Variants in ZNF618 observed in about 807,000 individuals in gnomAD.
ZNF618 encodes the protein neural precursor cell expressed, developmentally down-regulated 10.
Under a neutral mutation model 103.0 loss-of-function variants are expected in ZNF618, and 34 were observed. That is an observed-to-expected ratio of 0.33 (90% CI 0.25 to 0.44). ZNF618 has a LOEUF of 0.44. Among genes scored for constraint, ZNF618 ranks in the 20% least tolerant of loss-of-function variants. The pLI, the probability that ZNF618 is intolerant of heterozygous loss-of-function variation, is 1.00. For synonymous variants in ZNF618, 551 were observed against 542.2 expected, an observed-to-expected ratio of 1.02 and a Z score of -0.23; for missense variants, 1,059 against 1,295.4, an observed-to-expected ratio of 0.82 and a Z score of 2.80.
At chr9:113,960,310 C>T (rs1272877126) in intron 1 of ZNF618, among the ~76,000 whole-genome samples, 1 of 152,226 alleles carries the variant, frequency 6.6e-6, no homozygotes, top group Non-Finnish European at 1.5e-5. Flanking sequence ...CTCGCAATTG[C>T]TTTTGGGGTG....
At chr9:113,932,896 T>G (rs1833725328) in intron 1 of ZNF618, among the ~76,000 whole-genome samples, 1 of 152,156 alleles carries the variant, frequency 6.6e-6, no homozygotes, top group African/African-American at 2.4e-5. Flanking sequence ...GGGCTGAATA[T>G]TAAATTGCTG....
chr9:113,977,523 TG>T (rs1838591398), intron 2 of ZNF618, among the ~76,000 whole-genome samples: 2 of 152,138 alleles, frequency 1.3e-5, no homozygotes, highest in Admixed American at 1.3e-4. Context: ...CTTTGCAGGG[TG>T]GTGGGTCTCT....
chr9:113,966,220 A>G (rs1451212282), intron 1 of ZNF618, among the ~76,000 whole-genome samples: 1 of 152,204 alleles, frequency 6.6e-6, no homozygotes, highest in Non-Finnish European at 1.5e-5. Context: ...AGTCCCGTGA[A>G]GTAGGTCCTG....
intron 13 of ZNF618, among the ~76,000 whole-genome samples, chr9:114,043,698 C>G (rs1429575275): frequency 6.6e-6 from 1 of 152,174 alleles, no homozygotes. Context: ...CCACCACATC[C>G]ATGCCAACAT....
intron 1 of ZNF618, among the ~76,000 whole-genome samples, chr9:113,961,283 C>T (rs1836822781): frequency 6.6e-6 from 1 of 152,180 alleles, no homozygotes. Flanking sequence ...GCCATTAAGT[C>T]ATCAATGCCT....
intron 1 of ZNF618, among the ~76,000 whole-genome samples, chr9:113,913,659 A>G (rs561888831): frequency 2.6e-4 from 38 of 147,966 alleles, no homozygotes; most frequent in Non-Finnish European, 4.8e-4. Context: ...GTTCTTGAAC[A>G]CTGCAGTCAG....
At chr9:113,918,324 C>T (rs1024904989) in intron 1 of ZNF618, among the ~76,000 whole-genome samples, 2 of 152,204 alleles carry the variant, frequency 1.3e-5, no homozygotes, top group East Asian at 1.9e-4. Flanking sequence ...GGTTCCTTCT[C>T]TGTAAAGTTA....
At chr9:113,911,066 T>A (rs1226718248) in intron 1 of ZNF618, among the ~76,000 whole-genome samples, 1 of 152,158 alleles carries the variant, frequency 6.6e-6, no homozygotes, top group Admixed American at 6.5e-5. Flanking sequence ...ATTCCTGACC[T>A]CAAGTGATCC....
intron 1 of ZNF618, among the ~76,000 whole-genome samples, chr9:113,946,398 CAAAAAAAAAA>C (rs58064458): frequency 1.7e-5 from 2 of 114,882 alleles, no homozygotes; most frequent in African/African-American, 6.9e-5. Context: ...GGGAAGTCTT[CAAAAAAAAAA>C]AAAAAAAAGA....
At position 113,951,493 on chromosome 9, in the gene ZNF618, G is replaced by GTGCACATATATGTGTA. The variant is rs1434814780; in HGVS notation, c.34-17623_34-17622insGCACATATATGTGTAT. Among the ~76,000 whole-genome samples the GTGCACATATATGTGTA allele has an allele frequency of 5.5e-3, 281 of 51,230 alleles. 11 individuals carry two copies. The highest frequency in any genetic ancestry group is 0.011 in the Admixed American group (45 of 4,238). The allele number at this position is 51,230 out of a possible 152,430, so 33.6% of individuals were successfully genotyped here. ...TGTGTATGTGTACACATATATGTGT[G>GTGCACATATATGTGTA]TATGTGTACACATATATGTGTGTAT... On this transcript the variant is annotated intron_variant, in intron 1 of 14. Transcript: ENST00000374126.
intron 1 of ZNF618, among the ~76,000 whole-genome samples, chr9:113,957,578 T>C (rs1216591463): frequency 6.6e-6 from 1 of 152,086 alleles, no homozygotes; most frequent in Admixed American, 6.6e-5. Context: ...GGTGAGGCCG[T>C]CCAGACATGC....
At chr9:113,880,215 T>C (rs1255116767) in intron 1 of ZNF618, among the ~76,000 whole-genome samples, 2 of 152,122 alleles carry the variant, frequency 1.3e-5, no homozygotes, top group Non-Finnish European at 2.9e-5. Context: ...TTTTGAATTT[T>C]TTCCATGTTC....
chr9:114,015,494 G>A (rs1306403117), intron 9 of ZNF618, among the ~76,000 whole-genome samples: 1 of 152,170 alleles, frequency 6.6e-6, no homozygotes, highest in Non-Finnish European at 1.5e-5. Context: ...GCTGGCTGTA[G>A]TATGCATAAA....
At chr9:113,912,529 C>T (rs931853602) in intron 1 of ZNF618, among the ~76,000 whole-genome samples, 3 of 152,258 alleles carry the variant, frequency 2.0e-5, no homozygotes, top group Admixed American at 1.3e-4. Flanking sequence ...ACAGCCTCCC[C>T]GGAGCCAAAG....
rs1846243090 is a variant in ZNF618 at position 114,053,253 on chromosome 9, A to T, written c.*3086A>T. ...CACCTCACCAAATTCTAGTTCAGCC[A>T]AAGGATTGAGACAGGCTCTTCCAGT... On this transcript the variant is annotated 3_prime_UTR_variant, in exon 15 of 15. Coordinates refer to ENST00000374126, the MANE Select transcript of ZNF618 (RefSeq NM_001318042.2). 1 of 152,442 alleles carries T rather than the reference A, an allele frequency of 6.6e-6. No homozygotes were observed. The highest frequency in any genetic ancestry group is 6.5e-5 in the Admixed American group (1 of 15,290). 9.4% of individuals were successfully genotyped at this position (152,442 alleles called of 1,614,324 possible). A position where few individuals can be genotyped will look rare whatever the true frequency, so the allele number is the denominator to read the frequency against.
intron 1 of ZNF618, among the ~76,000 whole-genome samples, chr9:113,905,633 G>A (rs1199461275): frequency 6.6e-6 from 1 of 152,198 alleles, no homozygotes; most frequent in Non-Finnish European, 1.5e-5. Context: ...TGAACTGTTC[G>A]TAGCCCTGGA....
chr9:114,038,035 T>C (rs551288777), intron 13 of ZNF618, among the ~76,000 whole-genome samples: 58 of 152,296 alleles, frequency 3.8e-4, no homozygotes, highest in Non-Finnish European at 7.5e-4. Context: ...CTGTCAGCTG[T>C]GCCTCACCAG....
chr9:113,977,159 T>C lies in ZNF618; in HGVS notation c.77+7999T>C, dbSNP rs1188868986. On this transcript the variant is annotated intron_variant, in intron 2 of 14. Transcript: ENST00000374126. ...GTGGAGGGGAGGAGGGCAGTTGTAA[T>C]GCCAGGACGGGGACAGCACCATGGA... is the stretch of plus-strand genomic sequence containing the variant. Among the ~76,000 whole-genome samples the C allele has an allele frequency of 2.0e-5, 3 of 152,012 alleles. No individual in the cohort carries two copies. In the East Asian group the frequency reaches 5.8e-4, roughly 29 times the overall value.
intron 1 of ZNF618, among the ~76,000 whole-genome samples, chr9:113,948,526 A>G (rs1835263067): frequency 6.6e-6 from 1 of 152,254 alleles, no homozygotes. Context: ...AGAAGGCTCT[A>G]GAAAGATTCT....
Sources: gnomAD v4.1 joint callset for allele counts (sites outside exome capture counted in the v4.1 genomes callset) on GRCh38, gnomAD v4.1.1 for gene constraint, MANE v1.5 for transcripts, NCBI Gene and HGNC (gene_info 2026-07-23, HGNC 2026-07-21) for gene names.